Variants in MTMR10 observed in about 807,000 individuals in gnomAD.
The protein encoded by MTMR10 is myotubularin related protein 10.
A neutral mutation model predicts 88.1 loss-of-function variants in MTMR10; 56 were observed. The observed-to-expected ratio is 0.64, with a 90% CI of 0.51 to 0.79. The LOEUF is 0.79. Among genes scored for constraint, MTMR10 ranks in the 30% least tolerant of loss-of-function variants. The pLI, the probability that MTMR10 is intolerant of heterozygous loss-of-function variation, is 0.00. For missense variants in MTMR10, 883 were observed against 924.7 expected, an observed-to-expected ratio of 0.95 and a Z score of 0.58; for synonymous variants, 380 against 340.9, an observed-to-expected ratio of 1.11 and a Z score of -1.26.
chr15:30,919,636 C>G, the MTMR10 span, among the ~76,000 whole-genome samples: 1 of 148,818 alleles, frequency 6.7e-6, no homozygotes, highest in African/African-American at 2.5e-5. Context: ...TTGTAATGAG[C>G]TGAGATCGCA....
chr15:30,925,249 C>T, the MTMR10 span: 3 of 1,614,178 alleles, frequency 1.9e-6, no homozygotes, highest in Middle Eastern at 1.6e-4. Context: ...TCAAGCACCT[C>T]TTCCAGCAGC....
At chr15:30,968,230 G>C (rs1370899071) in intron 5 of MTMR10, 1 of 381,114 alleles carries the variant, frequency 2.6e-6, no homozygotes, top group East Asian at 3.9e-5. Flanking sequence ...CTAGCACATG[G>C]CAAGTATTCA....
the MTMR10 span, chr15:30,928,930 G>A: frequency 4.0e-5 from 16 of 400,088 alleles, no homozygotes; most frequent in African/African-American, 6.5e-5. Flanking sequence ...AGCACCTGCC[G>A]TGTCGCAGGC....
Position 30,940,690 on chromosome 15 carries a change from ACT to A in MTMR10, c.*778_*779del. 2.0e-6 allele frequency: 2 copies of A among 987,992 alleles called. No homozygotes were observed. Among genetic ancestry groups the A allele is most frequent in the South Asian group, 9.3e-5 (2 of 21,444 alleles). The allele number at this position is 987,992 out of a possible 1,614,324, so 61.2% of individuals were successfully genotyped here. ...CCCCAGTGGCTTTCAGAGGAACAAG[ACT>A]CTGGGGACTCCTGGCTATGAAGCTT... On this transcript the variant is annotated 3_prime_UTR_variant, in exon 16 of 16. Transcript: ENST00000435680.
chr15:30,946,555 C>T, intron 14 of MTMR10: 1 of 580,796 alleles, frequency 1.7e-6, no homozygotes. Flanking sequence ...CCTGAAGGTC[C>T]ACAAGAGCTG....
the MTMR10 span, among the ~76,000 whole-genome samples, chr15:30,932,221 CAAAAAAA>C: frequency 4.0e-5 from 2 of 49,508 alleles, no homozygotes; most frequent in East Asian, 6.5e-4. Context: ...GACTCCATCT[CAAAAAAA>C]AAAAAAAAAA....
chr15:30,924,707 C>T, the MTMR10 span, among the ~76,000 whole-genome samples: 1 of 152,150 alleles, frequency 6.6e-6, no homozygotes, highest in African/African-American at 2.4e-5. Flanking sequence ...TGATGTGGCC[C>T]CCATGCGTGG....
downstream of MTMR10, among the ~76,000 whole-genome samples, chr15:30,935,553 A>G (rs1273664257): frequency 1.3e-5 from 2 of 152,224 alleles, no homozygotes; most frequent in Non-Finnish European, 2.9e-5. Context: ...GAGATGATTT[A>G]AAGTATATGA....
At chr15:30,988,123 T>C (rs2031071577) in intron 2 of MTMR10, among the ~76,000 whole-genome samples, 1 of 152,118 alleles carries the variant, frequency 6.6e-6, no homozygotes, top group Non-Finnish European at 1.5e-5. Context: ...GGTAGAGCAG[T>C]AGGCTACAGG....
intron 14 of MTMR10, 197 bp downstream of exon 14, chr15:30,946,930 AAAC>A: frequency 1.4e-6 from 1 of 711,590 alleles, no homozygotes; most frequent in Non-Finnish European, 2.2e-6. Context: ...CATTAGAGTA[AAAC>A]AAAAAATGTT....
At chr15:30,953,460 A>G in intron 11 of MTMR10, 102 bp downstream of exon 11, 4 of 831,804 alleles carry the variant, frequency 4.8e-6, no homozygotes, top group Non-Finnish European at 7.5e-6. Context: ...AGTTGGATGA[A>G]GAGTAAGTAC....
intron 6 of MTMR10, among the ~76,000 whole-genome samples, chr15:30,964,027 C>T (rs549995171): frequency 6.7e-6 from 1 of 149,578 alleles, no homozygotes; most frequent in Middle Eastern, 3.5e-3. Context: ...AAAAACCCAA[C>T]AACGTTAGCA....
intron 5 of MTMR10, among the ~76,000 whole-genome samples, chr15:30,972,461 A>T (rs1435819384): frequency 1.3e-5 from 2 of 152,040 alleles, no homozygotes; most frequent in Non-Finnish European, 2.9e-5. Flanking sequence ...ACTGGGGAAA[A>T]GATTTTTGTC....
chr15:30,973,276 A>G (rs1402601033), intron 5 of MTMR10, among the ~76,000 whole-genome samples: 1 of 152,086 alleles, frequency 6.6e-6, no homozygotes, highest in Admixed American at 6.6e-5. Context: ...GAAAACTTTT[A>G]CCCATAGAGG....
At chr15:30,956,190 AT>A (rs913407366) in intron 9 of MTMR10, 22 of 152,334 alleles carry the variant, frequency 1.4e-4, no homozygotes, top group African/African-American at 5.3e-4. Context: ...GGCGCTGTAC[AT>A]TTGCTTGATA....
intron 3 of MTMR10, among the ~76,000 whole-genome samples, chr15:30,975,545 A>G (rs2141050505): frequency 6.6e-6 from 1 of 152,280 alleles, no homozygotes; most frequent in East Asian, 1.9e-4. Flanking sequence ...TCTCATTTAC[A>G]GTGAAGTCTG....
intron 9 of MTMR10, 42 bp from the exon 10 acceptor site, chr15:30,954,935 C>T: frequency 6.7e-7 from 1 of 1,487,844 alleles, no homozygotes; most frequent in Admixed American, 2.2e-5. Context: ...TCATTCATTT[C>T]AGCATATATT....
intron 2 of MTMR10, among the ~76,000 whole-genome samples, chr15:30,985,554 T>C (rs1271241613): frequency 6.6e-6 from 1 of 152,206 alleles, no homozygotes; most frequent in Non-Finnish European, 1.5e-5. Context: ...TTACTTAACC[T>C]CAGCAAACTA....
At position 30,940,078 on chromosome 15, in the gene MTMR10, A is replaced by T. The variant is rs1279170285; in HGVS notation, c.*1392T>A. 6.1e-6 allele frequency: 6 copies of T among 983,208 alleles called. No individual in the cohort carries two copies. Among genetic ancestry groups the T allele is most frequent in the African/African-American group, 1.7e-5 (1 of 57,202 alleles). The allele number at this position is 983,208 out of a possible 1,614,324, so 60.9% of individuals were successfully genotyped here. A position where few individuals can be genotyped will look rare whatever the true frequency, so the allele number is the denominator to read the frequency against. ...AACACTTGTTTTAGAAAAGGAAATA[A>T]GCTAACTAGACACTTTACTATAAAA... On this transcript the variant is annotated 3_prime_UTR_variant, in exon 16 of 16. Coordinates refer to ENST00000435680, the MANE Select transcript of MTMR10 (RefSeq NM_017762.3).
Sources: allele counts gnomAD v4.1 joint callset (sites outside exome capture counted in the v4.1 genomes callset), GRCh38; gene constraint gnomAD v4.1.1; transcripts MANE v1.5; gene names NCBI Gene and HGNC (gene_info 2026-07-23, HGNC 2026-07-21).